The following TRIM13 variants were observed in gnomAD, a reference collection of about 807,000 sequenced individuals.
TRIM13 encodes the protein tripartite motif containing 13, also known as E3 ubiquitin-protein ligase TRIM13.
In TRIM13, 15 loss-of-function variants were observed where a neutral mutation model predicts 27.1. The ratio of observed to expected loss-of-function variants is 0.55; its 90% confidence interval spans 0.37 to 0.85. The LOEUF (loss-of-function observed/expected upper bound fraction) is 0.85. Among genes scored for constraint, TRIM13 ranks in the 40% least tolerant of loss-of-function variants. The probability of loss-of-function intolerance (pLI) is 0.00; values close to 1 mark genes in which losing one functional copy is unlikely to be tolerated. For synonymous variants in TRIM13, 193 were observed against 171.5 expected (o/e 1.13, Z -0.98); for missense variants, 402 against 472.2 (o/e 0.85, Z 1.38).
At chr13:50,007,717 G>T (rs1262982883) in intron 1 of TRIM13, among the ~76,000 whole-genome samples, 6 of 149,208 alleles carry the variant, frequency 4.0e-5, no homozygotes, top group African/African-American at 1.5e-4. Context: ...GGGAGGCGGA[G>T]GTTGCAGTGA....
At chr13:50,002,592 T>C (rs1439335341) in intron 1 of TRIM13, among the ~76,000 whole-genome samples, 1 of 152,140 alleles carries the variant, frequency 6.6e-6, no homozygotes, top group African/African-American at 2.4e-5. Context: ...TTACATCCTC[T>C]ACCTAGATTT....
In TRIM13 at chr13:50,012,781, T is replaced by G. The variant is rs779345755; in HGVS notation, c.841T>G (p.Phe281Val). The G allele has an allele frequency of 6.2e-7, 1 of 1,614,062 alleles. No homozygotes were observed. The highest frequency in any genetic ancestry group is 1.1e-5 in the South Asian group (1 of 91,082). Residue 281 changes from phenylalanine (F) to valine (V), a missense_variant, in exon 2 of 2, where the codon TTT becomes GTT. Coordinates refer to ENST00000378182, the MANE Select transcript of TRIM13 (RefSeq NM_213590.3). ...NLPASPLMKN[F>V]DTSQWEDIKL... ...GCCTGCAAGCCCTTTAATGAAGAAC[T>G]TTGATACCAGTCAGTGGGAAGACAT...
At chr13:50,006,187 T>G (rs1432364461) in intron 1 of TRIM13, among the ~76,000 whole-genome samples, 3 of 152,166 alleles carry the variant, frequency 2.0e-5, no homozygotes, top group African/African-American at 7.2e-5. Flanking sequence ...TTTTAAGAGC[T>G]GTATGTTGAT....
In TRIM13 at chr13:50,012,559, A is replaced by G; in HGVS notation, c.619A>G (p.Met207Val). The change falls in exon 2 of 2, where the codon ATG becomes GTG. Residue 207 changes from methionine (M) to valine (V), a missense_variant. Physicochemically the swap from Met to Val is conservative, Grantham distance 21. Around this residue, in one of 2 missense-constraint regions of TRIM13, gnomAD observed 202 missense variants for 277.5 expected, o/e 0.73. Coordinates refer to ENST00000378182, the MANE Select transcript of TRIM13 (RefSeq NM_213590.3). Reference sequence around the variant, plus strand: ...TGAAATTCTGTCTGACTTTGAGACCATGAAACTTGCTGTTATGCAAGCATA... The same window carrying G: ...TGAAATTCTGTCTGACTTTGAGACCGTGAAACTTGCTGTTATGCAAGCATA... Reference protein sequence around the residue: ...KNEILSDFETMKLAVMQAYDP... With the variant: ...KNEILSDFETVKLAVMQAYDP... The G allele has an allele frequency of 6.2e-7, 1 of 1,614,190 alleles. No homozygotes were observed. Among genetic ancestry groups the G allele is most frequent in the Non-Finnish European group, 8.5e-7 (1 of 1,180,032 alleles).
intron 1 of TRIM13, among the ~76,000 whole-genome samples, chr13:49,999,196 C>T (rs1873693199): frequency 6.6e-6 from 1 of 151,878 alleles, no homozygotes; most frequent in South Asian, 2.1e-4. Context: ...TCATGGCGGC[C>T]CCAGGTAGAA....
In TRIM13 at chr13:50,015,922, T is replaced by G; in HGVS notation, c.*2758T>G. 1 of 1,614,112 alleles carries G rather than the reference T, an allele frequency of 6.2e-7. No homozygotes were observed. Among genetic ancestry groups the G allele is most frequent in the Non-Finnish European group, 8.5e-7 (1 of 1,179,986 alleles). On this transcript the variant is annotated 3_prime_UTR_variant, in exon 2 of 2. Transcript: ENST00000378182. ...TGCTAACAGGGAGGATTACAGTGTTTACAGAACAACCTTCAGCGCCGACCT... is the reference window on the plus strand; with the variant it reads ...TGCTAACAGGGAGGATTACAGTGTTGACAGAACAACCTTCAGCGCCGACCT...
In TRIM13 at chr13:50,012,264, T is replaced by A. The variant is rs1875751516; in HGVS notation, c.324T>A (p.Thr108=). 6.2e-7 allele frequency: 1 copy of A among 1,614,060 alleles called. No individual in the cohort carries two copies. The part of the protein sequence containing the change: ...LGQPLNIFCL[T]DMQLICGICA... ...AGCCTCTCAACATTTTCTGCCTGAC[T>A]GATATGCAGCTGATTTGTGGGATCT... is the stretch of plus-strand genomic sequence containing the variant. The change falls in exon 2 of 2, where the codon ACT becomes ACA. Residue 108 remains threonine, a synonymous_variant. Transcript: ENST00000378182.
chr13:50,001,297 A>G (rs956533374), intron 1 of TRIM13, among the ~76,000 whole-genome samples: 51 of 151,730 alleles, frequency 3.4e-4, no homozygotes, highest in Admixed American at 2.0e-3. Flanking sequence ...GTCCCAAAAA[A>G]AAAAAAAAAA....
rs770254736 is a variant in TRIM13, at chr13:50,012,429, C to T, written c.489C>T (p.Thr163=). 5.0e-6 allele frequency: 8 copies of T among 1,613,980 alleles called. No homozygotes were observed. The highest frequency in any genetic ancestry group is 2.2e-5 in the East Asian group (1 of 44,882). Residue 163 remains threonine, a synonymous_variant, in exon 2 of 2, where the codon ACC becomes ACT. Coordinates refer to ENST00000378182, the MANE Select transcript of TRIM13 (RefSeq NM_213590.3). ...GAGATGCTCTTTCTCGCTTGGATAC[C>T]TTGGAAACTAGTAAGAGGAAATCCC... ...RRGDALSRLD[T]LETSKRKSLQ...
Position 49,997,570 on chromosome 13 carries a change from C to G in TRIM13, c.-200C>G, listed in dbSNP as rs1401279095. Reference sequence around the variant, plus strand: ...GGTTCACCAGGTCTAAACAGCCGGGCTTTATTTGTGGGGGCGATTGAAAAA... The same window carrying G: ...GGTTCACCAGGTCTAAACAGCCGGGGTTTATTTGTGGGGGCGATTGAAAAA... On this transcript the variant is annotated 5_prime_UTR_variant, in exon 1 of 2. Coordinates refer to ENST00000378182, the MANE Select transcript of TRIM13 (RefSeq NM_213590.3). 1.3e-5 allele frequency: 2 copies of G among 152,036 alleles called. No individual in the cohort carries two copies. The highest frequency in any genetic ancestry group is 2.9e-5 in the Non-Finnish European group (2 of 68,046). 9.4% of individuals were successfully genotyped at this position (152,036 alleles called of 1,614,324 possible). A position where few individuals can be genotyped will look rare whatever the true frequency, so the allele number is the denominator to read the frequency against.
At chr13:50,000,458 AC>A (rs1239005346) in intron 1 of TRIM13, among the ~76,000 whole-genome samples, 1 of 152,196 alleles carries the variant, frequency 6.6e-6, no homozygotes, top group Admixed American at 6.5e-5. Context: ...TACCAAAAAA[AC>A]ACAACAACCC....
In TRIM13 at chr13:50,018,422, T is replaced by C. The variant is rs527245281; in HGVS notation, c.*5258T>C. 4 of 166,608 alleles carry C rather than the reference T, an allele frequency of 2.4e-5. No homozygotes were observed. Among genetic ancestry groups the C allele is most frequent in the African/African-American group, 9.6e-5 (4 of 41,584 alleles). 10.3% of individuals were successfully genotyped at this position (166,608 alleles called of 1,614,324 possible). ...GGGTAAGTGGAATGATTTGCTAATA[T>C]TGAGAATCTGTTGTATCAAACATAA... is the stretch of plus-strand genomic sequence containing the variant. On this transcript the variant is annotated 3_prime_UTR_variant, in exon 2 of 2. Coordinates refer to ENST00000378182, the MANE Select transcript of TRIM13 (RefSeq NM_213590.3).
At chr13:50,011,636 C>T (rs1232058314) in intron 1 of TRIM13, among the ~76,000 whole-genome samples, 1 of 152,168 alleles carries the variant, frequency 6.6e-6, no homozygotes, top group Non-Finnish European at 1.5e-5. Context: ...TGCTTGGGTC[C>T]TGCTGGCTCA....
rs1356423023 is a variant in TRIM13 at position 50,015,617 on chromosome 13, T to C, written c.*2453T>C. On this transcript the variant is annotated 3_prime_UTR_variant, in exon 2 of 2. Coordinates refer to ENST00000378182, the MANE Select transcript of TRIM13 (RefSeq NM_213590.3). ...CATGTTAGATGGCAGAGACCAAGAA[T>C]TCAAGATGGTTGGTGGCCAGATTTT... 6.2e-7 allele frequency: 1 copy of C among 1,614,042 alleles called. No individual in the cohort carries two copies. Among genetic ancestry groups the C allele is most frequent in the African/African-American group, 1.3e-5 (1 of 74,934 alleles).
chr13:50,002,505 G>A (rs1485906468), intron 1 of TRIM13, among the ~76,000 whole-genome samples: 2 of 152,008 alleles, frequency 1.3e-5, no homozygotes, highest in Admixed American at 6.6e-5. Context: ...TTTAATAATT[G>A]GCTCTTTAGT....
At chr13:50,001,727 C>T (rs1288383718) in intron 1 of TRIM13, among the ~76,000 whole-genome samples, 1 of 151,984 alleles carries the variant, frequency 6.6e-6, no homozygotes, top group Non-Finnish European at 1.5e-5. Context: ...ATATTTCTTA[C>T]TTTGTCCTGT....
intron 1 of TRIM13, among the ~76,000 whole-genome samples, chr13:50,004,398 A>C (rs1294462275): frequency 6.6e-6 from 1 of 152,092 alleles, no homozygotes; most frequent in Non-Finnish European, 1.5e-5. Flanking sequence ...TGGGGAGGTC[A>C]AAGCTACAGT....
Position 50,015,981 on chromosome 13 carries a change from T to A in TRIM13, c.*2817T>A, listed in dbSNP as rs749553507. Reference sequence around the variant, plus strand: ...AACTTTTTCCCTCCTCAGATGACCTTACTTCCACTGCCTCCACAAAGACCT... The same window carrying A: ...AACTTTTTCCCTCCTCAGATGACCTAACTTCCACTGCCTCCACAAAGACCT... On this transcript the variant is annotated 3_prime_UTR_variant, in exon 2 of 2. Coordinates refer to ENST00000378182, the MANE Select transcript of TRIM13 (RefSeq NM_213590.3). 22 of 1,614,028 alleles carry A rather than the reference T, an allele frequency of 1.4e-5. No homozygotes were observed. Among genetic ancestry groups the A allele is most frequent in the Non-Finnish European group, 1.9e-5 (22 of 1,179,950 alleles).
chr13:50,010,537 C>G (rs745478416), intron 1 of TRIM13, among the ~76,000 whole-genome samples: 2 of 152,140 alleles, frequency 1.3e-5, no homozygotes, highest in Non-Finnish European at 2.9e-5. Flanking sequence ...TTGCAGATCT[C>G]CAAATATTGA....
Sources: allele counts gnomAD v4.1 joint callset (sites outside exome capture counted in the v4.1 genomes callset), GRCh38; gene constraint gnomAD v4.1.1; regional missense constraint gnomAD v4.1.1; transcripts MANE v1.5; gene names NCBI Gene and HGNC (gene_info 2026-07-23, HGNC 2026-07-21).